PTPRD: variants seen among roughly 807,000 people sequenced by gnomAD.
The protein encoded by PTPRD is receptor-type tyrosine-protein phosphatase delta.
A neutral mutation model predicts 214.5 loss-of-function variants in PTPRD; 34 were observed. The observed-to-expected ratio is 0.16, with a 90% confidence interval of 0.12 to 0.21. The LOEUF is 0.21. Ranked by LOEUF, PTPRD falls within the 10% of genes least tolerant of loss-of-function variation. The pLI is 1.00. For missense variants in PTPRD, 2,545 were observed against 2,398.7 expected (o/e 1.06, Z -1.27); for synonymous variants, 1,128 against 845.7 (o/e 1.33, Z -5.79).
chr9:9,991,921 G>C (rs946094233), intron 4 of PTPRD, among the ~76,000 whole-genome samples: 3 of 151,594 alleles, frequency 2.0e-5, no homozygotes, highest in Admixed American at 2.0e-4. Flanking sequence ...ACATTCAGTA[G>C]AGTAATAATC....
intron 10 of PTPRD, among the ~76,000 whole-genome samples, chr9:9,073,327 A>T (rs1303935987): frequency 6.6e-6 from 1 of 152,214 alleles, no homozygotes; most frequent in Non-Finnish European, 1.5e-5. Flanking sequence ...TATATCTGAG[A>T]TGGTATGCAA....
At chr9:10,146,675 G>C (rs1405846056) in intron 3 of PTPRD, among the ~76,000 whole-genome samples, 1 of 152,100 alleles carries the variant, frequency 6.6e-6, no homozygotes, top group Admixed American at 6.6e-5. Flanking sequence ...TATTCAACTA[G>C]GTAGAGAAAA....
At chr9:8,782,810 G>T (rs945658591) in intron 11 of PTPRD, among the ~76,000 whole-genome samples, 13 of 151,972 alleles carry the variant, frequency 8.6e-5, no homozygotes, top group African/African-American at 3.1e-4. Context: ...TGGTCAGGCT[G>T]GTCTCGAACT....
At chr9:9,425,691 G>A (rs533672209) in intron 8 of PTPRD, among the ~76,000 whole-genome samples, 2 of 151,842 alleles carry the variant, frequency 1.3e-5, no homozygotes, top group South Asian at 2.1e-4. Flanking sequence ...ATTTAACAAT[G>A]ATGCAGATAT....
Position 9,466,945 on chromosome 9 carries a change from G to C in PTPRD, c.-236-69463C>G, listed in dbSNP as rs188461148. On this transcript the variant is annotated intron_variant, in intron 8 of 45. Coordinates refer to ENST00000381196, the MANE Select transcript of PTPRD (RefSeq NM_002839.4). ...AGAAAATATACCATGTTATAATTTT[G>C]AGAGGATTTTCTTGAATTTTTTGAT... Among the ~76,000 whole-genome samples, 432 of 152,116 alleles carry C rather than the reference G, an allele frequency of 2.8e-3. 4 individuals are homozygous for C. The highest frequency in any genetic ancestry group is 9.4e-3 in the African/African-American group (389 of 41,520).
chr9:9,172,754 T>G (rs1416098386), intron 10 of PTPRD, among the ~76,000 whole-genome samples: 1 of 152,118 alleles, frequency 6.6e-6, no homozygotes, highest in Non-Finnish European at 1.5e-5. Flanking sequence ...AAGCAATGCC[T>G]ATCTAGAATT....
intron 11 of PTPRD, among the ~76,000 whole-genome samples, chr9:8,818,028 G>C (rs867225577): frequency 6.6e-6 from 1 of 152,018 alleles, no homozygotes; most frequent in African/African-American, 2.4e-5. Context: ...CGGCTTAGTG[G>C]GAATATTTTC....
intron 3 of PTPRD, among the ~76,000 whole-genome samples, chr9:10,149,103 A>G (rs1037666406): frequency 6.6e-6 from 1 of 152,222 alleles, no homozygotes; most frequent in South Asian, 2.1e-4. Flanking sequence ...CTCTCTCCAT[A>G]TTATGACCAT....
At chr9:10,003,025 AAGAG>A (rs2096370873) in intron 4 of PTPRD, among the ~76,000 whole-genome samples, 1 of 151,804 alleles carries the variant, frequency 6.6e-6, no homozygotes, top group Non-Finnish European at 1.5e-5. Context: ...AATCAATTAT[AAGAG>A]AAACAGTTAA....
chr9:9,261,160 T>C (rs1333736609), intron 9 of PTPRD, among the ~76,000 whole-genome samples: 1 of 151,872 alleles, frequency 6.6e-6, no homozygotes, highest in Non-Finnish European at 1.5e-5. Context: ...TACGAGTGGC[T>C]GCTTTGGGTA....
At chr9:8,811,142 C>G (rs189286666) in intron 11 of PTPRD, among the ~76,000 whole-genome samples, 10 of 152,334 alleles carry the variant, frequency 6.6e-5, no homozygotes, top group Non-Finnish European at 1.3e-4. Context: ...CTAAGAAAAA[C>G]TGTAAACATA....
chr9:8,796,457 G>C (rs115544276), intron 11 of PTPRD, among the ~76,000 whole-genome samples: 3 of 152,134 alleles, frequency 2.0e-5, no homozygotes, highest in African/African-American at 7.2e-5. Context: ...CTCAGAGTAA[G>C]TGAGTATTGC....
chr9:8,905,060 G>A (rs149056870), intron 11 of PTPRD, among the ~76,000 whole-genome samples: 73 of 152,272 alleles, frequency 4.8e-4, no homozygotes, highest in Non-Finnish European at 8.5e-4. Context: ...TTAGAATTAT[G>A]AGTATACAAA....
intron 2 of PTPRD, among the ~76,000 whole-genome samples, chr9:10,578,373 T>TATA (rs2070335586): frequency 6.6e-6 from 1 of 152,128 alleles, no homozygotes; most frequent in Non-Finnish European, 1.5e-5. Context: ...ATTATATATA[T>TATA]TATCTGAATA....
intron 11 of PTPRD, chr9:8,958,573 A>C (rs968546156): frequency 6.6e-6 from 1 of 151,980 alleles, no homozygotes; most frequent in Non-Finnish European, 1.5e-5. Flanking sequence ...TGACTCAGAA[A>C]CCAAGGACTA....
At chr9:8,617,093 C>G (rs1184052933) in intron 14 of PTPRD, among the ~76,000 whole-genome samples, 2 of 152,026 alleles carry the variant, frequency 1.3e-5, no homozygotes, top group African/African-American at 4.8e-5. Context: ...TCTGGCTCTT[C>G]TATAAGAGAT....
chr9:8,416,874 T>C (rs1196236141), intron 35 of PTPRD, among the ~76,000 whole-genome samples: 2 of 152,010 alleles, frequency 1.3e-5, no homozygotes, highest in African/African-American at 4.8e-5. Context: ...AATTGAGGCA[T>C]AGAAGGGTTA....
At chr9:8,803,725 C>A (rs765821356) in intron 11 of PTPRD, among the ~76,000 whole-genome samples, 2 of 150,514 alleles carry the variant, frequency 1.3e-5, no homozygotes, top group Admixed American at 6.6e-5. Context: ...CAGAGTGATA[C>A]CCTGTCTCAA....
intron 12 of PTPRD, among the ~76,000 whole-genome samples, chr9:8,715,132 G>GAA (rs200940671): frequency 2.0e-4 from 29 of 146,782 alleles, no homozygotes; most frequent in Admixed American, 1.6e-3. Context: ...AAAGATCTAT[G>GAA]AAAAAAAAAA....
Sources: allele counts gnomAD v4.1 joint callset (sites outside exome capture counted in the v4.1 genomes callset), GRCh38; gene constraint gnomAD v4.1.1; transcripts MANE v1.5; gene names NCBI Gene and HGNC (gene_info 2026-07-23, HGNC 2026-07-21).